The following SNTG1 variants were observed in gnomAD, a reference collection of about 807,000 sequenced individuals.
SNTG1 encodes the protein gamma-1-syntrophin.
Under a neutral mutation model 74.7 loss-of-function variants are expected in SNTG1, and 39 were observed. That is an observed-to-expected ratio of 0.52 (90% CI 0.40 to 0.68). The LOEUF (loss-of-function observed/expected upper bound fraction) is 0.68. SNTG1 is among the 30% of genes least tolerant of loss of function. SNTG1 has a pLI of 0.00. For synonymous variants in SNTG1, 254 were observed against 217.1 expected (o/e 1.17, Z -1.49); for missense variants, 685 against 609.5 (o/e 1.12, Z -1.30).
At chr8:49,993,044 G>GA (rs1315989336) in intron 1 of SNTG1, among the ~76,000 whole-genome samples, 11 of 151,686 alleles carry the variant, frequency 7.3e-5, no homozygotes, top group African/African-American at 2.7e-4. Context: ...TTTTTTTGTG[G>GA]AAAAAACACT....
At chr8:50,130,949 G>T (rs1348141495) in intron 1 of SNTG1, among the ~76,000 whole-genome samples, 1 of 152,000 alleles carries the variant, frequency 6.6e-6, no homozygotes, top group Non-Finnish European at 1.5e-5. Context: ...TTCATTGACT[G>T]TAAACTTGAA....
At chr8:50,346,949 TC>T (rs2091496445) in intron 2 of SNTG1, among the ~76,000 whole-genome samples, 1 of 152,224 alleles carries the variant, frequency 6.6e-6, no homozygotes, top group African/African-American at 2.4e-5. Context: ...GAAGTCATCT[TC>T]ACAACATAAA....
chr8:49,919,313 A>T (rs529824986), intron 1 of SNTG1, among the ~76,000 whole-genome samples: 1 of 152,254 alleles, frequency 6.6e-6, no homozygotes, highest in East Asian at 1.9e-4. Context: ...ACACTGATTG[A>T]GGGGTATTAG....
chr8:50,197,070 C>T (rs921228064), intron 2 of SNTG1, among the ~76,000 whole-genome samples: 12 of 152,044 alleles, frequency 7.9e-5, no homozygotes, highest in Admixed American at 7.9e-4. Flanking sequence ...CACTTTGCTA[C>T]TACTTGGTTT....
intron 1 of SNTG1, among the ~76,000 whole-genome samples, chr8:50,064,633 C>T (rs1820755548): frequency 6.6e-6 from 1 of 152,188 alleles, no homozygotes; most frequent in Non-Finnish European, 1.5e-5. Flanking sequence ...GCCCTGCCTA[C>T]ACCTCCAACC....
At chr8:50,524,435 A>G (rs985253470) in intron 9 of SNTG1, among the ~76,000 whole-genome samples, 2 of 152,138 alleles carry the variant, frequency 1.3e-5, no homozygotes, top group Admixed American at 1.3e-4. Context: ...AATCATGTTA[A>G]TATACTTTAT....
At chr8:50,070,561 T>C (rs1017195210) in intron 1 of SNTG1, among the ~76,000 whole-genome samples, 3 of 152,030 alleles carry the variant, frequency 2.0e-5, no homozygotes, top group African/African-American at 4.8e-5. Flanking sequence ...GCATCCAAAT[T>C]CCATAAAAGC....
chr8:50,476,249 A>G (rs973824639), intron 8 of SNTG1, among the ~76,000 whole-genome samples: 1 of 152,172 alleles, frequency 6.6e-6, no homozygotes, highest in Non-Finnish European at 1.5e-5. Context: ...TACTGTGCCT[A>G]GTATATCAAT....
At chr8:50,718,911 A>G (rs938450283) in intron 17 of SNTG1, among the ~76,000 whole-genome samples, 6 of 152,212 alleles carry the variant, frequency 3.9e-5, no homozygotes, top group Non-Finnish European at 5.9e-5. Context: ...TGAGGAGAAC[A>G]GAGACAGTGG....
chr8:50,725,873 G>A (rs948648778), intron 17 of SNTG1, among the ~76,000 whole-genome samples: 2 of 152,140 alleles, frequency 1.3e-5, no homozygotes, highest in African/African-American at 2.4e-5. Context: ...GCCTTGTGCC[G>A]ATGCTGCTGA....
intron 15 of SNTG1, among the ~76,000 whole-genome samples, chr8:50,674,351 G>A (rs1438101763): frequency 6.6e-6 from 1 of 152,128 alleles, no homozygotes; most frequent in Non-Finnish European, 1.5e-5. Flanking sequence ...CTCAATTTCA[G>A]AACTTGTTAT....
chr8:50,475,519 C>T (rs1439774103), intron 8 of SNTG1, among the ~76,000 whole-genome samples: 2 of 152,070 alleles, frequency 1.3e-5, no homozygotes, highest in African/African-American at 4.8e-5. Context: ...GGCCAAATGC[C>T]AGAGTCAGAT....
chr8:50,103,924 C>T (rs1409415229), intron 1 of SNTG1, among the ~76,000 whole-genome samples: 1 of 151,986 alleles, frequency 6.6e-6, no homozygotes, highest in African/African-American at 2.4e-5. Context: ...CTTGATCATG[C>T]TGGATAAGCT....
At chr8:50,239,493 AT>A (rs2086072622) in intron 2 of SNTG1, among the ~76,000 whole-genome samples, 1 of 152,194 alleles carries the variant, frequency 6.6e-6, no homozygotes, top group South Asian at 2.1e-4. Context: ...TCTTGTGAGA[AT>A]TCATTTACTG....
chr8:50,774,789 G>C (rs1290344495), intron 18 of SNTG1, among the ~76,000 whole-genome samples: 1 of 151,574 alleles, frequency 6.6e-6, no homozygotes, highest in African/African-American at 2.4e-5. Flanking sequence ...AAGATGTAAA[G>C]TGTATGACAA....
chr8:50,401,256 A>G (rs1205664332), intron 3 of SNTG1, among the ~76,000 whole-genome samples: 1 of 152,142 alleles, frequency 6.6e-6, no homozygotes, highest in East Asian at 1.9e-4. Flanking sequence ...TAAAGATTAT[A>G]TTCTATCTCA....
intron 2 of SNTG1, among the ~76,000 whole-genome samples, chr8:50,196,968 C>A (rs1324202505): frequency 1.3e-5 from 2 of 151,526 alleles, no homozygotes; most frequent in Non-Finnish European, 2.9e-5. Flanking sequence ...AGTGACAGAG[C>A]CAGATTCTGT....
At chr8:50,488,983 T>C (rs1453152327) in intron 8 of SNTG1, among the ~76,000 whole-genome samples, 2 of 152,104 alleles carry the variant, frequency 1.3e-5, no homozygotes, top group Non-Finnish European at 2.9e-5. Flanking sequence ...TGTGTCCCTG[T>C]GTTCTCATTG....
At chr8:50,779,614 G>A in intron 18 of SNTG1, among the ~76,000 whole-genome samples, 1 of 152,102 alleles carries the variant, frequency 6.6e-6, no homozygotes, top group Non-Finnish European at 1.5e-5. Context: ...CTGAGACAAT[G>A]GGGTTTTCTA....
Sources: allele counts gnomAD v4.1 joint callset (sites outside exome capture counted in the v4.1 genomes callset), GRCh38; gene constraint gnomAD v4.1.1; transcripts MANE v1.5; gene names NCBI Gene and HGNC (gene_info 2026-07-23, HGNC 2026-07-21).